DGKB: variants seen among roughly 807,000 people sequenced by gnomAD.
The protein encoded by DGKB is diacylglycerol kinase beta, also known as 90 kDa diacylglycerol kinase.
Under a neutral mutation model 114.3 loss-of-function variants are expected in DGKB, and 67 were observed. The observed-to-expected ratio is 0.59, with a 90% CI of 0.48 to 0.72. The LOEUF is 0.72. Ranked by LOEUF, DGKB falls within the 30% of genes least tolerant of loss-of-function variation. The pLI is 0.00. For synonymous variants in DGKB, 398 were observed against 323.1 expected (o/e 1.23, Z -2.49); for missense variants, 907 against 975.2 (o/e 0.93, Z 0.93).
intron 23 of DGKB, among the ~76,000 whole-genome samples, chr7:14,315,271 C>A (rs1806252172): frequency 6.6e-6 from 1 of 151,048 alleles, no homozygotes; most frequent in Non-Finnish European, 1.5e-5. Context: ...GCATCAAATT[C>A]ACACATAACA....
chr7:14,765,962 T>C lies in DGKB; in HGVS notation c.71-8231A>G, dbSNP rs1044548772. 6.6e-5 allele frequency among the ~76,000 whole-genome samples: 10 copies of C among 151,906 alleles called. No individual in the cohort carries two copies. The South Asian group carries it at 1.9e-3, about 28-fold the overall frequency. On this transcript the variant is annotated intron_variant, in intron 2 of 25. Transcript: ENST00000402815. ...CCATGACAATTTCAAGCCTCCCACA[T>C]GACATCATTAATGTGGAGTTGGGAA...
chr7:14,729,412 AT>A (rs1830592320), intron 5 of DGKB, among the ~76,000 whole-genome samples: 1 of 152,104 alleles, frequency 6.6e-6, no homozygotes, highest in African/African-American at 2.4e-5. Context: ...ACGAGCCATC[AT>A]TTTGCTCACT....
chr7:14,685,430 G>T, intron 9 of DGKB, 68 bp from the exon 10 acceptor site: 2 of 1,158,434 alleles, frequency 1.7e-6, no homozygotes, highest in Non-Finnish European at 1.3e-6. Flanking sequence ...AAGTGCCAAT[G>T]AAATTCAGAG....
At chr7:14,877,417 T>C (rs1187069641) in intron 1 of DGKB, among the ~76,000 whole-genome samples, 2 of 152,074 alleles carry the variant, frequency 1.3e-5, no homozygotes, top group African/African-American at 2.4e-5. Flanking sequence ...TAGCCAAGTG[T>C]TGTGGCACAT....
chr7:14,903,496 T>G (rs900176630), upstream of DGKB: 1 of 152,096 alleles, frequency 6.6e-6, no homozygotes, highest in Admixed American at 6.6e-5. Context: ...ACTATACATC[T>G]CAGGGAGGAA....
intron 13 of DGKB, among the ~76,000 whole-genome samples, chr7:14,663,218 T>A (rs958030325): frequency 6.6e-6 from 1 of 151,976 alleles, no homozygotes; most frequent in East Asian, 1.9e-4. Flanking sequence ...TAACAAAGCT[T>A]AGGCTTTTTA....
intron 2 of DGKB, among the ~76,000 whole-genome samples, chr7:14,836,752 C>G (rs192732574): frequency 6.6e-6 from 1 of 152,350 alleles, no homozygotes; most frequent in Admixed American, 6.5e-5. Context: ...AGCACGGTCA[C>G]AGCATGCTGT....
chr7:14,330,708 A>G (rs1809573141), intron 23 of DGKB, among the ~76,000 whole-genome samples: 1 of 151,986 alleles, frequency 6.6e-6, no homozygotes, highest in Non-Finnish European at 1.5e-5. Flanking sequence ...GAATATTCTA[A>G]ATATTGTCAT....
intron 5 of DGKB, among the ~76,000 whole-genome samples, chr7:14,731,294 A>G (rs1201931300): frequency 6.6e-6 from 1 of 152,200 alleles, no homozygotes; most frequent in Non-Finnish European, 1.5e-5. Context: ...AAAGTGTTCC[A>G]TCTAAAATAC....
At chr7:14,681,630 G>A (rs1405626136) in intron 12 of DGKB, among the ~76,000 whole-genome samples, 4 of 151,968 alleles carry the variant, frequency 2.6e-5, no homozygotes, top group African/African-American at 4.8e-5. Context: ...CTCACTCTAA[G>A]CTGGGAAACA....
intron 21 of DGKB, among the ~76,000 whole-genome samples, chr7:14,476,979 C>T (rs141827949): frequency 0.018 from 2,739 of 151,802 alleles, 67 homozygotes; most frequent in African/African-American, 0.059. Context: ...CTCGAACTCC[C>T]GACCTCATGA....
intron 25 of DGKB, among the ~76,000 whole-genome samples, chr7:14,155,169 C>T (rs1456474138): frequency 6.6e-6 from 1 of 152,052 alleles, no homozygotes; most frequent in African/African-American, 2.4e-5. Context: ...GACTGACTGA[C>T]CAACTGAATA....
intron 7 of DGKB, 54 bp downstream of exon 7, chr7:14,701,627 T>A: frequency 7.8e-7 from 1 of 1,281,906 alleles, no homozygotes; most frequent in Non-Finnish European, 1.1e-6. Flanking sequence ...TTCATTGCAT[T>A]CTTCAGAAGA....
At position 14,651,413 on chromosome 7, in the gene DGKB, A is replaced by G. The variant is rs926697753; in HGVS notation, c.1135-21145T>C. On this transcript the variant is annotated intron_variant, in intron 13 of 25. Transcript: ENST00000402815. ...AGACAAAAACCACATGAATATCTCAATAGATGCAGAAAAGGCCTTTGACAA... is the reference window on the plus strand; with the variant it reads ...AGACAAAAACCACATGAATATCTCAGTAGATGCAGAAAAGGCCTTTGACAA... Among the ~76,000 whole-genome samples, 373 of 147,298 alleles carry G rather than the reference A, an allele frequency of 2.5e-3. 3 individuals are homozygous for G. The highest frequency in any genetic ancestry group is 0.014 in the South Asian group (61 of 4,518).
At chr7:14,265,941 G>A (rs1251975199) in intron 23 of DGKB, among the ~76,000 whole-genome samples, 2 of 152,114 alleles carry the variant, frequency 1.3e-5, no homozygotes, top group Non-Finnish European at 2.9e-5. Flanking sequence ...ACTGCAAGGG[G>A]GTTATATAGT....
chr7:14,760,986 G>C (rs1835602578), intron 2 of DGKB, among the ~76,000 whole-genome samples: 1 of 152,044 alleles, frequency 6.6e-6, no homozygotes. Flanking sequence ...CATGAACTAG[G>C]GCTCAACAAT....
intron 2 of DGKB, among the ~76,000 whole-genome samples, chr7:14,823,755 T>A (rs1275593594): frequency 6.6e-6 from 1 of 152,196 alleles, no homozygotes; most frequent in Non-Finnish European, 1.5e-5. Context: ...TGCTTCTCCA[T>A]ATACTGCAGG....
chr7:14,722,634 A>C (rs971216395), intron 5 of DGKB, among the ~76,000 whole-genome samples: 3 of 152,112 alleles, frequency 2.0e-5, no homozygotes, highest in African/African-American at 7.2e-5. Flanking sequence ...CAACATGGTG[A>C]AACCTCGTCT....
chr7:14,356,943 A>T (rs1814667069), intron 21 of DGKB, among the ~76,000 whole-genome samples: 1 of 152,116 alleles, frequency 6.6e-6, no homozygotes, highest in African/African-American at 2.4e-5. Context: ...TTCTAATTTC[A>T]TTGCACTGTG....
Sources: gnomAD v4.1 joint callset for allele counts (sites outside exome capture counted in the v4.1 genomes callset) on GRCh38, gnomAD v4.1.1 for gene constraint, MANE v1.5 for transcripts, NCBI Gene and HGNC (gene_info 2026-07-23, HGNC 2026-07-21) for gene names.